THOC2: variants seen among roughly 807,000 people sequenced by gnomAD.
The protein encoded by THOC2 is THO complex 2.
Under a neutral mutation model 128.4 loss-of-function variants are expected in THOC2, and 10 were observed. That is an observed-to-expected ratio of 0.08 (90% confidence interval 0.05 to 0.13). The LOEUF is 0.13. Among genes scored for constraint, THOC2 ranks in the 10% least tolerant of loss-of-function variants. The pLI, the probability that THOC2 is intolerant of heterozygous loss-of-function variation, is 1.00. For synonymous variants in THOC2, 393 were observed against 396.9 expected, an observed-to-expected ratio of 0.99 and a Z score of 0.12; for missense variants, 535 against 1,155.7, an observed-to-expected ratio of 0.46 and a Z score of 7.79.
intron 38 of THOC2, among the ~76,000 whole-genome samples, chrX:123,607,496 G>T (rs1283506519): frequency 9.3e-6 from 1 of 107,257 alleles, no homozygotes; most frequent in Non-Finnish European, 1.9e-5. Flanking sequence ...TAGAAATGGG[G>T]TCTCACTATG....
In THOC2 at chrX:123,657,572, G is replaced by A. The variant is rs750271395; in HGVS notation, c.1386+8070C>T. Among the ~76,000 whole-genome samples, 3 of 110,378 alleles carry A rather than the reference G, an allele frequency of 2.7e-5. No homozygotes were observed. The South Asian group carries it at 1.1e-3, about 42-fold the overall frequency. ...AACACCTTGCTTATGGAGAAGCAAG[G>A]ATAAGAATTTAAAACATTTCTCCTT... On this transcript the variant is annotated intron_variant, in intron 12 of 38. Transcript: ENST00000245838.
intron 8 of THOC2, among the ~76,000 whole-genome samples, chrX:123,673,877 C>T (rs1279318249): frequency 9.0e-6 from 1 of 111,551 alleles, no homozygotes; most frequent in African/African-American, 3.3e-5. Context: ...ACTATTCTCC[C>T]TCTATCCACC....
In THOC2 at chrX:123,706,891, A is replaced by G; in HGVS notation, c.189T>C (p.His63=). Residue 63 remains histidine, a synonymous_variant, in exon 3 of 39, where the codon CAT becomes CAC. Coordinates refer to ENST00000245838, the MANE Select transcript of THOC2 (RefSeq NM_001081550.2). ...SYHVIKGNLK[H]EQASNVLSDI... ...CACTAAGAACATTAGATGCCTGTTC[A>G]TGCTTTAGATTTCCTTTAATTACAT... is the stretch of plus-strand genomic sequence containing the variant. 2.6e-6 allele frequency: 3 copies of G among 1,164,432 alleles called. No individual in the cohort carries two copies. Among genetic ancestry groups the G allele is most frequent in the South Asian group, 2.0e-5 (1 of 49,020 alleles).
chrX:123,645,385 A>G lies in THOC2; in HGVS notation c.1387-10T>C. On this transcript the variant is annotated splice_polypyrimidine_tract_variant and intron_variant, in intron 12 of 38. Transcript: ENST00000245838. Reference sequence around the variant, plus strand: ...TTCCATCAGACTGAAACTACAATTTAAAAAAAGAAATTAATAAAATACAAA... The same window carrying G: ...TTCCATCAGACTGAAACTACAATTTGAAAAAAGAAATTAATAAAATACAAA... The G allele has an allele frequency of 9.7e-7, 1 of 1,031,996 alleles. No homozygotes were observed. 85.0% of individuals were successfully genotyped at this position (1,031,996 alleles called of 1,213,427 possible).
intron 4 of THOC2, among the ~76,000 whole-genome samples, chrX:123,702,468 T>G (rs1177126450): frequency 9.5e-6 from 1 of 105,477 alleles, no homozygotes; most frequent in African/African-American, 3.4e-5. Flanking sequence ...TGAAACCCCA[T>G]CTCTACCAAT....
At chrX:123,604,782 CCCA>C (rs1479568516) in intron 38 of THOC2, among the ~76,000 whole-genome samples, 1 of 111,634 alleles carries the variant, frequency 9.0e-6, no homozygotes, top group Non-Finnish European at 1.9e-5. Context: ...TAAAATCAAG[CCCA>C]CCAAAATAAT....
rs759861610 is a variant in THOC2, at chrX:123,644,879, T to C, written c.1459A>G (p.Thr487Ala). The change falls in exon 14 of 39, where the codon ACT becomes GCT. Residue 487 changes from threonine (T) to alanine (A), a missense_variant. Physicochemically the swap from Thr to Ala is moderately conservative, Grantham distance 58. Around this residue, in one of 9 missense-constraint regions of THOC2, gnomAD observed 197 missense variants for 313.4 expected, o/e 0.63. Transcript: ENST00000245838. Reference sequence around the variant, plus strand: ...AGAGATGGAAGTAGTACCTGGTCAGTAATGCTAAGCAAACAGCTAAGGATA... The same window carrying C: ...AGAGATGGAAGTAGTACCTGGTCAGCAATGCTAAGCAAACAGCTAAGGATA... The part of the protein sequence containing the change: ...EVILSCLLSI[T>A]DQVLLPSLSL... 8.3e-6 allele frequency: 10 copies of C among 1,206,183 alleles called. No individual in the cohort carries two copies. The South Asian group carries it at 1.4e-4, about 17-fold the overall frequency.
At chrX:123,705,369 C>T (rs1451040372) in intron 3 of THOC2, among the ~76,000 whole-genome samples, 1 of 111,400 alleles carries the variant, frequency 9.0e-6, no homozygotes, top group Non-Finnish European at 1.9e-5. Flanking sequence ...ATGAAATAAC[C>T]TTGTCAATCA....
chrX:123,644,328 T>C (rs747512005), intron 15 of THOC2, among the ~76,000 whole-genome samples: 3 of 111,793 alleles, frequency 2.7e-5, no homozygotes, highest in South Asian at 3.7e-4. Flanking sequence ...ATGATGCACA[T>C]ATTAAAGAGG....
chrX:123,701,962 G>A (rs1199554253), intron 4 of THOC2, among the ~76,000 whole-genome samples: 5 of 111,545 alleles, frequency 4.5e-5, no homozygotes, highest in Non-Finnish European at 3.8e-5. Flanking sequence ...CAACATTACC[G>A]GGAACTTAGG....
chrX:123,689,383 T>C (rs1281786609), intron 7 of THOC2, among the ~76,000 whole-genome samples: 1 of 112,168 alleles, frequency 8.9e-6, no homozygotes, highest in Admixed American at 9.5e-5. Context: ...ATTTTATCCA[T>C]AAGATAGAAA....
At chrX:123,654,275 G>A (rs2048478844) in intron 12 of THOC2, among the ~76,000 whole-genome samples, 1 of 109,822 alleles carries the variant, frequency 9.1e-6, no homozygotes, top group Non-Finnish European at 1.9e-5. Flanking sequence ...GGTTAGGGGA[G>A]GGATAGCATT....
intron 2 of THOC2, among the ~76,000 whole-genome samples, chrX:123,708,122 ACTT>A (rs989063095): frequency 9.0e-6 from 1 of 111,043 alleles, no homozygotes; most frequent in Non-Finnish European, 1.9e-5. Context: ...ATAAAAATAA[ACTT>A]CTCCCCTGCT....
At chrX:123,687,939 TC>T (rs2050072463) in intron 7 of THOC2, among the ~76,000 whole-genome samples, 1 of 111,730 alleles carries the variant, frequency 9.0e-6, no homozygotes, top group African/African-American at 3.3e-5. Context: ...TATTTTTACC[TC>T]CCCCTGTACT....
chrX:123,729,134 T>C (rs1251343007), intron 1 of THOC2, among the ~76,000 whole-genome samples: 1 of 112,361 alleles, frequency 8.9e-6, no homozygotes, highest in African/African-American at 3.2e-5. Context: ...TTTCAGAATT[T>C]GGAAGAGTTT....
At chrX:123,689,223 T>G (rs1403123256) in intron 7 of THOC2, among the ~76,000 whole-genome samples, 2 of 112,072 alleles carry the variant, frequency 1.8e-5, no homozygotes, top group Non-Finnish European at 3.8e-5. Flanking sequence ...AACTACCCAC[T>G]TTCCTTCTAG....
At chrX:123,649,967 A>T (rs1262799652) in intron 12 of THOC2, among the ~76,000 whole-genome samples, 1 of 111,154 alleles carries the variant, frequency 9.0e-6, no homozygotes, top group Non-Finnish European at 1.9e-5. Flanking sequence ...CACCACAAAG[A>T]TACTCCTCGA....
intron 2 of THOC2, among the ~76,000 whole-genome samples, chrX:123,708,668 T>G (rs752173813): frequency 8.9e-6 from 1 of 111,858 alleles, no homozygotes; most frequent in South Asian, 3.8e-4. Flanking sequence ...ACCTGGGTCA[T>G]TTTGCTGAAA....
intron 15 of THOC2, among the ~76,000 whole-genome samples, chrX:123,642,609 G>A: frequency 9.1e-6 from 1 of 109,856 alleles, no homozygotes. Flanking sequence ...GGTGGCTGGG[G>A]TGTGGTAGCT....
Sources: allele counts gnomAD v4.1 joint callset (sites outside exome capture counted in the v4.1 genomes callset), GRCh38; gene constraint gnomAD v4.1.1; regional missense constraint gnomAD v4.1.1; transcripts MANE v1.5; gene names NCBI Gene and HGNC (gene_info 2026-07-23, HGNC 2026-07-21).